The following SLC25A21 variants were observed in gnomAD, a reference collection of about 807,000 sequenced individuals.
SLC25A21 encodes the protein solute carrier family 25 member 21, also known as mitochondrial 2-oxodicarboxylate carrier.
Under a neutral mutation model 43.8 loss-of-function variants are expected in SLC25A21, and 47 were observed. The ratio of observed to expected loss-of-function variants is 1.07; its 90% CI spans 0.85 to 1.37. SLC25A21 has a LOEUF of 1.37. Ranked by LOEUF, SLC25A21 falls within the 40% of genes most tolerant of loss-of-function variation. The probability of loss-of-function intolerance (pLI) is 0.00; values close to 1 mark genes in which losing one functional copy is unlikely to be tolerated. For missense variants in SLC25A21, 352 were observed against 350.2 expected, an observed-to-expected ratio of 1.00 and a Z score of -0.04; for synonymous variants, 131 against 121.3, an observed-to-expected ratio of 1.08 and a Z score of -0.52.
intron 1 of SLC25A21, among the ~76,000 whole-genome samples, chr14:36,893,650 T>G (rs1002836635): frequency 1.3e-5 from 2 of 152,184 alleles, no homozygotes; most frequent in Non-Finnish European, 2.9e-5. Context: ...ATGCCTAGAT[T>G]TTCTTCTAGG....
intron 2 of SLC25A21, among the ~76,000 whole-genome samples, chr14:36,864,604 GT>G (rs1334142354): frequency 6.6e-6 from 1 of 152,204 alleles, no homozygotes; most frequent in African/African-American, 2.4e-5. Flanking sequence ...CAAAGTTGAA[GT>G]TGCACTCACA....
chr14:37,143,760 A>T lies in SLC25A21; in HGVS notation c.70+28521T>A, dbSNP rs1955761. Among the ~76,000 whole-genome samples the T allele has an allele frequency of 0.017, 2,632 of 152,320 alleles. 185 individuals are homozygous for T. The East Asian group carries it at 0.26, about 15-fold the overall frequency. Reference sequence around the variant, plus strand: ...TCCCCAGCATCTGGGGCAATGGAGCAGACAGGGCCAGTTTATTCTGTAAGT... The same window carrying T: ...TCCCCAGCATCTGGGGCAATGGAGCTGACAGGGCCAGTTTATTCTGTAAGT... On this transcript the variant is annotated intron_variant, in intron 1 of 9. Transcript: ENST00000331299.
chr14:37,006,461 G>A (rs1960606267), intron 1 of SLC25A21, among the ~76,000 whole-genome samples: 1 of 151,866 alleles, frequency 6.6e-6, no homozygotes, highest in Admixed American at 6.6e-5. Context: ...CAAACAACTT[G>A]CTAAAATAAA....
At chr14:37,061,434 A>G (rs1172235039) in intron 1 of SLC25A21, among the ~76,000 whole-genome samples, 1 of 152,076 alleles carries the variant, frequency 6.6e-6, no homozygotes, top group African/African-American at 2.4e-5. Context: ...CCTTAGTTAA[A>G]TTTCATTTTC....
At chr14:36,889,675 T>G (rs960763693) in intron 1 of SLC25A21, among the ~76,000 whole-genome samples, 12 of 151,890 alleles carry the variant, frequency 7.9e-5, no homozygotes, top group African/African-American at 2.9e-4. Flanking sequence ...ATTTTTTTTG[T>G]AGAGACAGGG....
rs1213350595 is a variant in SLC25A21 at position 36,679,315 on chromosome 14, T to TTTA, written c.*1340_*1342dup. 4.1e-6 allele frequency: 4 copies of TTTA among 972,804 alleles called. No individual in the cohort carries two copies. The highest frequency in any genetic ancestry group is 1.1e-4 in the East Asian group (1 of 8,756). 60.3% of individuals were successfully genotyped at this position (972,804 alleles called of 1,614,324 possible). On this transcript the variant is annotated 3_prime_UTR_variant, in exon 10 of 10. Coordinates refer to ENST00000331299, the MANE Select transcript of SLC25A21 (RefSeq NM_030631.4). ...TGTATATACAGTATGTCAAAAGCCT[T>TTTA]TTATTTTTATACTTCAAATGCTCTA...
chr14:36,891,459 AT>A (rs1389267392), intron 1 of SLC25A21, among the ~76,000 whole-genome samples: 1 of 152,166 alleles, frequency 6.6e-6, no homozygotes, highest in African/African-American at 2.4e-5. Context: ...GAAGAGCAAC[AT>A]TTCTATTATA....
chr14:36,874,934 A>C (rs1167230246), intron 2 of SLC25A21, 22 bp downstream of exon 2: 1 of 1,603,740 alleles, frequency 6.2e-7, no homozygotes, highest in Non-Finnish European at 8.5e-7. Context: ...AGTCAATAAA[A>C]CTTGTTCATG....
At chr14:37,147,184 T>C (rs1963680543) in intron 1 of SLC25A21, among the ~76,000 whole-genome samples, 1 of 152,210 alleles carries the variant, frequency 6.6e-6, no homozygotes, top group African/African-American at 2.4e-5. Flanking sequence ...ACTCTCAAAA[T>C]ACTATTATAA....
intron 1 of SLC25A21, among the ~76,000 whole-genome samples, chr14:37,003,106 C>T (rs2022727): frequency 0.44 from 66,782 of 152,018 alleles, 17,872 homozygotes; most frequent in African/African-American, 0.77. Flanking sequence ...ACCCTATACA[C>T]ACTACATCTT....
At chr14:36,968,253 T>C (rs1231154298) in intron 1 of SLC25A21, among the ~76,000 whole-genome samples, 1 of 152,196 alleles carries the variant, frequency 6.6e-6, no homozygotes, top group Non-Finnish European at 1.5e-5. Context: ...GCAACCTGAT[T>C]CTTTTCCCTC....
At chr14:37,058,378 A>C (rs1390036827) in intron 1 of SLC25A21, among the ~76,000 whole-genome samples, 5 of 152,212 alleles carry the variant, frequency 3.3e-5, no homozygotes, top group African/African-American at 1.2e-4. Context: ...GCAACTATTG[A>C]AACAGGACAT....
At chr14:36,992,486 G>A (rs546241676) in intron 1 of SLC25A21, among the ~76,000 whole-genome samples, 26 of 152,186 alleles carry the variant, frequency 1.7e-4, no homozygotes, top group Non-Finnish European at 2.5e-4. Flanking sequence ...TAAGAAAGGC[G>A]CCTTTTTACA....
intron 1 of SLC25A21, among the ~76,000 whole-genome samples, chr14:36,882,314 C>T (rs573954595): frequency 4.6e-5 from 7 of 152,266 alleles, no homozygotes; most frequent in Admixed American, 4.6e-4. Flanking sequence ...ACCTGGGAGG[C>T]AGTGGTTGCA....
intron 3 of SLC25A21, among the ~76,000 whole-genome samples, chr14:36,775,835 C>A (rs1399804846): frequency 2.6e-5 from 4 of 152,148 alleles, no homozygotes; most frequent in South Asian, 2.1e-4. Flanking sequence ...AGGTGCCCTA[C>A]CCCCACCCAA....
At chr14:36,794,165 A>G (rs1887590830) in intron 3 of SLC25A21, among the ~76,000 whole-genome samples, 2 of 152,142 alleles carry the variant, frequency 1.3e-5, no homozygotes, top group African/African-American at 4.8e-5. Context: ...CATGCAGGCA[A>G]TGAACACATA....
At chr14:36,777,428 T>C (rs1474916065) in intron 3 of SLC25A21, among the ~76,000 whole-genome samples, 1 of 152,190 alleles carries the variant, frequency 6.6e-6, no homozygotes, top group Non-Finnish European at 1.5e-5. Context: ...TCTGTGAATG[T>C]GACCTTATTT....
At chr14:37,098,596 A>G (rs1962746081) in intron 1 of SLC25A21, 1 of 152,184 alleles carries the variant, frequency 6.6e-6, no homozygotes, top group African/African-American at 2.4e-5. Flanking sequence ...CTGCTTTAAC[A>G]GGAAGAGTTC....
chr14:36,997,354 T>C (rs1313907287), intron 1 of SLC25A21, among the ~76,000 whole-genome samples: 1 of 152,038 alleles, frequency 6.6e-6, no homozygotes, highest in Non-Finnish European at 1.5e-5. Flanking sequence ...AGAGAGCAGG[T>C]GAGACTGAGG....
Sources: allele counts gnomAD v4.1 joint callset (sites outside exome capture counted in the v4.1 genomes callset), GRCh38; gene constraint gnomAD v4.1.1; transcripts MANE v1.5; gene names NCBI Gene and HGNC (gene_info 2026-07-23, HGNC 2026-07-21).